CSMD3: variants seen among roughly 807,000 people sequenced by gnomAD.
CSMD3 encodes the protein CUB and sushi domain-containing protein 3.
Under a neutral mutation model 435.2 loss-of-function variants are expected in CSMD3, and 177 were observed. The observed-to-expected ratio is 0.41, with a 90% CI of 0.36 to 0.46. CSMD3 has a LOEUF of 0.46. CSMD3 is among the 20% of genes least tolerant of loss of function. The pLI is 0.34. For missense variants in CSMD3, 4,265 were observed against 4,504.6 expected, an observed-to-expected ratio of 0.95 and a Z score of 1.52; for synonymous variants, 1,656 against 1,520.5, an observed-to-expected ratio of 1.09 and a Z score of -2.07.
chr8:112,961,633 T>G (rs749486863), intron 7 of CSMD3, among the ~76,000 whole-genome samples: 1 of 151,978 alleles, frequency 6.6e-6, no homozygotes, highest in African/African-American at 2.4e-5. Context: ...GGAGACACTG[T>G]GTTTTAATAA....
intron 38 of CSMD3, among the ~76,000 whole-genome samples, chr8:112,362,345 T>C (rs1488582854): frequency 6.6e-6 from 1 of 151,994 alleles, no homozygotes; most frequent in African/African-American, 2.4e-5. Flanking sequence ...TAGCACAGGC[T>C]ACATTAACAT....
Position 112,265,532 on chromosome 8 carries a change from A to G in CSMD3, c.9567T>C (p.Tyr3189=), listed in dbSNP as rs1238065570. 2.5e-6 allele frequency: 4 copies of G among 1,613,514 alleles called. No individual in the cohort carries two copies. Among genetic ancestry groups the G allele is most frequent in the African/African-American group, 2.7e-5 (2 of 74,900 alleles). The change falls in exon 60 of 71, where the codon TAT becomes TAC. Residue 3189 remains tyrosine, a synonymous_variant. Transcript: ENST00000297405. ...PANGLRYGDD[Y]VVGQNVSYMC... is the part of the protein sequence containing the mutation. ...TGTAAGAAACATTTTGTCCAACCACATAATCATCTCCATATCTCAGTCCAT... is the reference window on the plus strand; with the variant it reads ...TGTAAGAAACATTTTGTCCAACCACGTAATCATCTCCATATCTCAGTCCAT...
chr8:113,166,721 A>G (rs768969797), intron 4 of CSMD3, among the ~76,000 whole-genome samples: 53 of 152,074 alleles, frequency 3.5e-4, no homozygotes, highest in Non-Finnish European at 8.8e-5. Context: ...TGCTGAAAAA[A>G]TTAATTCTAC....
intron 3 of CSMD3, among the ~76,000 whole-genome samples, chr8:113,256,640 T>C (rs2093382987): frequency 6.6e-6 from 1 of 152,210 alleles, no homozygotes; most frequent in African/African-American, 2.4e-5. Context: ...GATTTCTATT[T>C]CTAACTGTAA....
intron 10 of CSMD3, among the ~76,000 whole-genome samples, chr8:112,920,353 G>C (rs912067525): frequency 3.9e-5 from 6 of 151,900 alleles, no homozygotes; most frequent in African/African-American, 1.2e-4. Context: ...AAGTGGAATA[G>C]ATGGCAAAGA....
At chr8:113,009,541 T>C (rs1035015921) in intron 6 of CSMD3, among the ~76,000 whole-genome samples, 1 of 151,758 alleles carries the variant, frequency 6.6e-6, no homozygotes, top group Non-Finnish European at 1.5e-5. Flanking sequence ...CCTTGTCACG[T>C]TGAAAAACTA....
At chr8:112,661,790 T>A (rs1220405733) in intron 17 of CSMD3, among the ~76,000 whole-genome samples, 1 of 151,934 alleles carries the variant, frequency 6.6e-6, no homozygotes, top group East Asian at 1.9e-4. Context: ...AGGGGTGAGG[T>A]CTTCATAAGA....
chr8:112,321,286 A>T (rs952544410), intron 45 of CSMD3, among the ~76,000 whole-genome samples: 3 of 152,206 alleles, frequency 2.0e-5, no homozygotes, highest in African/African-American at 4.8e-5. Flanking sequence ...TTAGTACAGG[A>T]CATAGCCAAA....
intron 35 of CSMD3, among the ~76,000 whole-genome samples, chr8:112,391,507 T>A (rs1586966810): frequency 6.6e-6 from 1 of 151,788 alleles, no homozygotes; most frequent in South Asian, 2.1e-4. Context: ...GCCTGGCCAA[T>A]ATGGTGAAAC....
At chr8:112,667,970 T>C (rs577623763) in intron 16 of CSMD3, among the ~76,000 whole-genome samples, 3 of 152,278 alleles carry the variant, frequency 2.0e-5, no homozygotes, top group East Asian at 3.9e-4. Context: ...TTTAAATAAC[T>C]TGATGGAACC....
In CSMD3 at chr8:112,874,885, T is replaced by G. The variant is rs138362513; in HGVS notation, c.1634-15619A>C. 2.1e-3 allele frequency among the ~76,000 whole-genome samples: 316 copies of G among 152,280 alleles called. 7 individuals are homozygous for G. In the East Asian group the frequency reaches 0.049, roughly 24 times the overall value. The stretch of plus-strand genomic sequence containing the variant: ...ACTCTTTATCCAATCTGCCAGTCTG[T>G]GTCTTTTAATTGGGGCACTCAGCCA... On this transcript the variant is annotated intron_variant, in intron 10 of 70. Transcript: ENST00000297405.
chr8:112,229,222 A>C (rs1812858616), intron 69 of CSMD3, among the ~76,000 whole-genome samples: 1 of 152,180 alleles, frequency 6.6e-6, no homozygotes, highest in Non-Finnish European at 1.5e-5. Flanking sequence ...AAAGGAAAGG[A>C]GTAATTCTGG....
At chr8:113,182,578 TCA>T (rs1471356944) in intron 3 of CSMD3, among the ~76,000 whole-genome samples, 1 of 151,476 alleles carries the variant, frequency 6.6e-6, no homozygotes, top group East Asian at 2.0e-4. Flanking sequence ...CAAAAAAAAC[TCA>T]CAACGAATTG....
chr8:113,349,429 T>C (rs1177760992), intron 1 of CSMD3, among the ~76,000 whole-genome samples: 1 of 152,120 alleles, frequency 6.6e-6, no homozygotes, highest in Non-Finnish European at 1.5e-5. Flanking sequence ...AATGCATTTA[T>C]ACAGACATCT....
At chr8:112,618,534 A>T (rs1833824636) in intron 22 of CSMD3, among the ~76,000 whole-genome samples, 2 of 152,152 alleles carry the variant, frequency 1.3e-5, no homozygotes, top group Non-Finnish European at 2.9e-5. Flanking sequence ...TCGCATTTTT[A>T]AAAAATTCTT....
At chr8:113,210,045 T>TGTGTGTGTGA (rs1491306465) in intron 3 of CSMD3, among the ~76,000 whole-genome samples, 2 of 103,364 alleles carry the variant, frequency 1.9e-5, no homozygotes, top group Non-Finnish European at 4.9e-5. Context: ...TGTGTGTGTG[T>TGTGTGTGTGA]GATACACAGT....
rs147458755 is a variant in CSMD3 at position 112,449,105 on chromosome 8, T to C, written c.5395+23486A>G. ...AACCTCATTCTCAATCTACACGATT[T>C]GGGTGAGAATGGTTCTATATCCAAG... is the stretch of plus-strand genomic sequence containing the variant. On this transcript the variant is annotated intron_variant, in intron 32 of 70. Coordinates refer to ENST00000297405, the MANE Select transcript of CSMD3 (RefSeq NM_198123.2). 2.4e-3 allele frequency among the ~76,000 whole-genome samples: 369 copies of C among 152,178 alleles called. 2 individuals carry two copies. The highest frequency in any genetic ancestry group is 7.3e-3 in the African/African-American group (303 of 41,502).
intron 7 of CSMD3, among the ~76,000 whole-genome samples, chr8:112,958,574 T>C (rs1022592883): frequency 2.0e-5 from 3 of 152,166 alleles, no homozygotes; most frequent in Admixed American, 6.6e-5. Context: ...AATTCAAAAT[T>C]GCATTTAAAA....
chr8:112,279,618 G>A (rs1471654923), intron 59 of CSMD3, among the ~76,000 whole-genome samples: 2 of 152,040 alleles, frequency 1.3e-5, no homozygotes, highest in Non-Finnish European at 2.9e-5. Flanking sequence ...AACACCTACT[G>A]AAGGAAACAA....
Sources: allele counts gnomAD v4.1 joint callset (sites outside exome capture counted in the v4.1 genomes callset), GRCh38; gene constraint gnomAD v4.1.1; transcripts MANE v1.5; gene names NCBI Gene and HGNC (gene_info 2026-07-23, HGNC 2026-07-21).